Variants in CPPED1 observed in about 807,000 individuals in gnomAD.
The protein encoded by CPPED1 is serine/threonine-protein phosphatase CPPED1.
A neutral mutation model predicts 28.0 loss-of-function variants in CPPED1; 28 were observed. The observed-to-expected ratio is 1.00, with a 90% CI of 0.74 to 1.37. CPPED1 has a LOEUF of 1.37. CPPED1 is among the 40% of genes most tolerant of loss of function. CPPED1 has a pLI of 0.00. For synonymous variants in CPPED1, 198 were observed against 180.2 expected (o/e 1.10, Z -0.79); for missense variants, 504 against 416.5 (o/e 1.21, Z -1.83).
chr16:12,757,624 C>A (rs955411548), intron 2 of CPPED1: 1 of 140,632 alleles, frequency 7.1e-6, no homozygotes, highest in African/African-American at 2.6e-5. Flanking sequence ...TTCTTCCTAG[C>A]AGGCACACTG....
chr16:12,733,625 G>A (rs1252719870), intron 2 of CPPED1, among the ~76,000 whole-genome samples: 1 of 152,186 alleles, frequency 6.6e-6, no homozygotes, highest in Non-Finnish European at 1.5e-5. Flanking sequence ...AGAAATGTGG[G>A]AGTGGGATGG....
chr16:12,691,660 G>C (rs1484471852), intron 3 of CPPED1, among the ~76,000 whole-genome samples: 1 of 152,076 alleles, frequency 6.6e-6, no homozygotes, highest in Non-Finnish European at 1.5e-5. Context: ...CATGTCCTTT[G>C]TAGGACACGG....
At chr16:12,701,791 A>G (rs1352000027) in intron 3 of CPPED1, among the ~76,000 whole-genome samples, 1 of 152,230 alleles carries the variant, frequency 6.6e-6, no homozygotes, top group Non-Finnish European at 1.5e-5. Flanking sequence ...GACAGTGGAC[A>G]GGCTACAGAG....
intron 2 of CPPED1, among the ~76,000 whole-genome samples, chr16:12,759,912 ACT>A (rs1596475015): frequency 6.6e-6 from 1 of 152,236 alleles, no homozygotes; most frequent in East Asian, 1.9e-4. Context: ...ACTGGGGCAA[ACT>A]CTCCAAAAGT....
intron 2 of CPPED1, among the ~76,000 whole-genome samples, chr16:12,751,077 TA>T (rs2141218354): frequency 6.6e-6 from 1 of 151,624 alleles, no homozygotes; most frequent in Non-Finnish European, 1.5e-5. Context: ...ACAGTATCTA[TA>T]AAGTACAATC....
intron 2 of CPPED1, among the ~76,000 whole-genome samples, chr16:12,747,949 A>G (rs2080301521): frequency 1.3e-5 from 2 of 152,234 alleles, no homozygotes; most frequent in Admixed American, 1.3e-4. Context: ...AACACCACGC[A>G]GTGCCCGTCT....
At chr16:12,767,255 G>T (rs974256813) in intron 2 of CPPED1, among the ~76,000 whole-genome samples, 1 of 152,310 alleles carries the variant, frequency 6.6e-6, no homozygotes, top group Admixed American at 6.5e-5. Flanking sequence ...GAGTGCCGAT[G>T]TCCAGGGGCA....
intron 2 of CPPED1, among the ~76,000 whole-genome samples, chr16:12,744,297 A>AAGC (rs1567293033): frequency 3.1e-5 from 4 of 130,180 alleles, no homozygotes; most frequent in Non-Finnish European, 1.6e-5. Context: ...AGAGAGAGAG[A>AAGC]AAGCAAGCAA....
chr16:12,709,946 G>C lies in CPPED1; in HGVS notation c.290-4897C>G, dbSNP rs990180432. On this transcript the variant is annotated intron_variant, in intron 2 of 3. Transcript: ENST00000381774. The surrounding 1 kb of genome is among the most constrained non-coding windows in gnomAD (Gnocchi z 4.4). ...GAAGGGAAGGAAGGGAAGGAAGGGA[G>C]GAAGGAAAGAAGGGAAGGAAGGCAA... 6.9e-6 allele frequency among the ~76,000 whole-genome samples: 1 copy of C among 144,264 alleles called. No homozygotes were observed. The highest frequency in any genetic ancestry group is 7.1e-5 in the Admixed American group (1 of 14,048). 94.6% of individuals were successfully genotyped at this position (144,264 alleles called of 152,430 possible). A position where few individuals can be genotyped will look rare whatever the true frequency, so the allele number is the denominator to read the frequency against.
At chr16:12,744,625 C>A (rs1364207292) in intron 2 of CPPED1, among the ~76,000 whole-genome samples, 1 of 152,136 alleles carries the variant, frequency 6.6e-6, no homozygotes, top group Non-Finnish European at 1.5e-5. Context: ...CAGGAAGGGT[C>A]TGACAGTCTC....
intron 3 of CPPED1, among the ~76,000 whole-genome samples, chr16:12,679,443 G>T (rs1484005027): frequency 6.6e-6 from 1 of 152,134 alleles, no homozygotes; most frequent in Non-Finnish European, 1.5e-5. Context: ...AAAGAAAGTG[G>T]GAGGAGGGAA....
chr16:12,780,134 C>T (rs1251679379), intron 2 of CPPED1, among the ~76,000 whole-genome samples: 1 of 152,002 alleles, frequency 6.6e-6, no homozygotes, highest in African/African-American at 2.4e-5. Flanking sequence ...GGAAGGGGGC[C>T]ATGTGAGCCA....
At chr16:12,742,925 C>T (rs934680010) in intron 2 of CPPED1, among the ~76,000 whole-genome samples, 2 of 152,186 alleles carry the variant, frequency 1.3e-5, no homozygotes, top group African/African-American at 4.8e-5. Flanking sequence ...TTTCCTCTCC[C>T]AGTGCAGTCA....
intron 3 of CPPED1, among the ~76,000 whole-genome samples, chr16:12,695,804 T>C (rs1018960089): frequency 1.3e-5 from 2 of 152,244 alleles, no homozygotes; most frequent in Non-Finnish European, 2.9e-5. Context: ...CATTTGGCTG[T>C]GCTCGAGTCT....
At chr16:12,796,803 G>C (rs2080630374) in intron 1 of CPPED1, among the ~76,000 whole-genome samples, 1 of 151,998 alleles carries the variant, frequency 6.6e-6, no homozygotes, top group Non-Finnish European at 1.5e-5. Flanking sequence ...ATTCCCAATA[G>C]ACAAGAGGTA....
intron 3 of CPPED1, among the ~76,000 whole-genome samples, chr16:12,669,078 T>G (rs2079840735): frequency 6.6e-6 from 1 of 152,200 alleles, no homozygotes; most frequent in African/African-American, 2.4e-5. Context: ...GGAAGCAACC[T>G]AAATGTCCAT....
chr16:12,716,145 T>C (rs1441286306), intron 2 of CPPED1, among the ~76,000 whole-genome samples: 2 of 152,154 alleles, frequency 1.3e-5, no homozygotes, highest in Non-Finnish European at 2.9e-5. Context: ...AAGAGAAAAA[T>C]ATGTAATTGT....
At chr16:12,791,687 C>A (rs2080597621) in intron 1 of CPPED1, among the ~76,000 whole-genome samples, 1 of 152,216 alleles carries the variant, frequency 6.6e-6, no homozygotes, top group African/African-American at 2.4e-5. Context: ...CAGTCCATCT[C>A]AGGCAGTTGC....
rs918732659 is a variant in CPPED1 at position 12,665,213 on chromosome 16, A to G, written c.716-98T>C. 1.2e-5 allele frequency: 12 copies of G among 975,604 alleles called. No homozygotes were observed. The African/African-American group carries it at 1.5e-4, about 12-fold the overall frequency. The allele number at this position is 975,604 out of a possible 1,614,324, so 60.4% of individuals were successfully genotyped here. On this transcript the variant is annotated intron_variant, in intron 3 of 3. Coordinates refer to ENST00000381774, the MANE Select transcript of CPPED1 (RefSeq NM_018340.3). ...TTCTGTGAACAGTAATATATTAAAT[A>G]TATTATTATACCATCATGTAGAATT...
Sources: allele counts gnomAD v4.1 joint callset (sites outside exome capture counted in the v4.1 genomes callset), GRCh38; gene constraint gnomAD v4.1.1; non-coding constraint Gnocchi (gnomAD v3.1); transcripts MANE v1.5; gene names NCBI Gene and HGNC (gene_info 2026-07-23, HGNC 2026-07-21).